The following CCDC33 variants were observed in gnomAD, a reference collection of about 807,000 sequenced individuals.
CCDC33 encodes coiled-coil domain-containing protein 33.
CCDC33 carries 94 observed loss-of-function variants against 91.9 expected under a neutral mutation model. The ratio of observed to expected loss-of-function variants is 1.02; its 90% CI spans 0.87 to 1.21. The LOEUF (loss-of-function observed/expected upper bound fraction) is 1.21. Ranked by LOEUF, CCDC33 falls within the 50% of genes most tolerant of loss-of-function variation. The pLI is 0.00. For synonymous variants in CCDC33, 396 were observed against 374.5 expected (o/e 1.06, Z -0.66); for missense variants, 940 against 935.5 (o/e 1.00, Z -0.06).
At chr15:74,227,684 C>CT (rs2074846476) in intron 2 of CCDC33, among the ~76,000 whole-genome samples, 1 of 152,180 alleles carries the variant, frequency 6.6e-6, no homozygotes, top group Admixed American at 6.5e-5. Context: ...TCCACCCTGT[C>CT]TGAGAAGTGA....
chr15:74,211,583 T>C (rs970849397), intron 2 of CCDC33, among the ~76,000 whole-genome samples: 2 of 152,050 alleles, frequency 1.3e-5, no homozygotes, highest in Non-Finnish European at 2.9e-5. Context: ...TTTGTATTTT[T>C]AGTAGAGATG....
chr15:74,259,602 G>A (rs902965008), intron 2 of CCDC33, among the ~76,000 whole-genome samples: 4 of 152,114 alleles, frequency 2.6e-5, no homozygotes, highest in South Asian at 4.2e-4. Context: ...TATTAGATGG[G>A]GCAGGGAGGT....
At chr15:74,255,285 A>C (rs925320694) in intron 2 of CCDC33, among the ~76,000 whole-genome samples, 2 of 152,180 alleles carry the variant, frequency 1.3e-5, no homozygotes, top group African/African-American at 4.8e-5. Context: ...AGAGATGCTT[A>C]GGGGATGTGC....
intron 10 of CCDC33, among the ~76,000 whole-genome samples, chr15:74,291,948 A>G (rs555295009): frequency 9.2e-5 from 14 of 152,346 alleles, no homozygotes; most frequent in African/African-American, 3.4e-4. Context: ...CTGCAACAAC[A>G]CAGGGAGCAG....
At chr15:74,294,543 C>T (rs1040494543) in intron 10 of CCDC33, among the ~76,000 whole-genome samples, 1 of 151,876 alleles carries the variant, frequency 6.6e-6, no homozygotes, top group Admixed American at 6.6e-5. Context: ...GTCAAGAGTT[C>T]GAGACCAGCC....
upstream of CCDC33, among the ~76,000 whole-genome samples, chr15:74,214,967 C>T (rs1370583293): frequency 6.6e-6 from 1 of 152,212 alleles, no homozygotes; most frequent in Non-Finnish European, 1.5e-5. Flanking sequence ...CCTCGCCCAG[C>T]GTGGGCACAC....
intron 11 of CCDC33, among the ~76,000 whole-genome samples, chr15:74,322,892 G>A (rs1039548321): frequency 1.3e-5 from 2 of 152,120 alleles, no homozygotes; most frequent in Non-Finnish European, 2.9e-5. Flanking sequence ...GTGTGTGCCT[G>A]GTCCAGCAAA....
chr15:74,304,962 T>C (rs1280857850), intron 11 of CCDC33, among the ~76,000 whole-genome samples: 1 of 145,148 alleles, frequency 6.9e-6, no homozygotes, highest in Non-Finnish European at 1.5e-5. Flanking sequence ...TTTTTTTTTT[T>C]AGACAGAGTC....
At chr15:74,289,517 C>G (rs1005747330) in intron 10 of CCDC33, among the ~76,000 whole-genome samples, 1 of 152,220 alleles carries the variant, frequency 6.6e-6, no homozygotes, top group African/African-American at 2.4e-5. Flanking sequence ...AGTTCGAGAC[C>G]AGCCCGGGCA....
chr15:74,246,735 G>A (rs912133949), intron 2 of CCDC33, among the ~76,000 whole-genome samples: 13 of 152,196 alleles, frequency 8.5e-5, no homozygotes, highest in Non-Finnish European at 1.6e-4. Context: ...CAGTAAAATG[G>A]TGCAGCCATT....
At chr15:74,256,405 G>C (rs1250287733) in intron 2 of CCDC33, among the ~76,000 whole-genome samples, 1 of 139,532 alleles carries the variant, frequency 7.2e-6, no homozygotes, top group African/African-American at 2.9e-5. Flanking sequence ...CTGCCCTAAG[G>C]CTGCGTACGG....
chr15:74,226,718 C>T (rs1168348947), intron 2 of CCDC33, among the ~76,000 whole-genome samples: 1 of 151,762 alleles, frequency 6.6e-6, no homozygotes, highest in Non-Finnish European at 1.5e-5. Context: ...GTCCCAGCTA[C>T]TCGGGAGGCT....
At chr15:74,304,172 A>AGG (rs1339192499) in intron 11 of CCDC33, 1 of 152,256 alleles carries the variant, frequency 6.6e-6, no homozygotes. Flanking sequence ...TGTTAAGTAG[A>AGG]GGGAACACTG....
At chr15:74,333,299 T>A in intron 16 of CCDC33, 1 of 1,594,804 alleles carries the variant, frequency 6.3e-7, no homozygotes, top group South Asian at 1.1e-5. Flanking sequence ...CCACTCAGAG[T>A]GCACAGAGAC....
chr15:74,233,731 T>A (rs2075057146), upstream of CCDC33, among the ~76,000 whole-genome samples: 1 of 152,252 alleles, frequency 6.6e-6, no homozygotes, highest in South Asian at 2.1e-4. Flanking sequence ...GAGCTTTACC[T>A]GCGTGGTCTC....
At chr15:74,331,796 G>A (rs550448705) in intron 15 of CCDC33, among the ~76,000 whole-genome samples, 7 of 152,294 alleles carry the variant, frequency 4.6e-5, no homozygotes, top group South Asian at 2.1e-4. Flanking sequence ...TTGGGAGGCC[G>A]AGGAGGGCAG....
At chr15:74,254,740 CCTT>C (rs1370417631) in intron 2 of CCDC33, among the ~76,000 whole-genome samples, 6 of 146,116 alleles carry the variant, frequency 4.1e-5, no homozygotes, top group Non-Finnish European at 8.9e-5. Flanking sequence ...TCTCTACCCT[CCTT>C]CTTTTTTTTT....
rs930392674 is a variant in CCDC33 at position 74,218,943 on chromosome 15, C to G, written c.675+82C>G. 7 of 1,176,118 alleles carry G rather than the reference C, an allele frequency of 6.0e-6. No individual in the cohort carries two copies. In the African/African-American group the frequency reaches 6.4e-5, roughly 11 times the overall value. 72.9% of individuals were successfully genotyped at this position (1,176,118 alleles called of 1,614,324 possible). A position where few individuals can be genotyped will look rare whatever the true frequency, so the allele number is the denominator to read the frequency against. ...CCTCCGTGATAAGCCAGGCTACCCCCTGTCCTGAGCTGAGCTGAGCAGAGC... is the reference window on the plus strand; with the variant it reads ...CCTCCGTGATAAGCCAGGCTACCCCGTGTCCTGAGCTGAGCTGAGCAGAGC... On this transcript the variant is annotated intron_variant, in intron 2 of 2. Coordinates refer to the CCDC33 transcript ENST00000635913. This position sits in a 1 kb window ranked among gnomAD's most constrained non-coding sequence, Gnocchi z 4.8.
chr15:74,247,563 C>T (rs1042872901), intron 2 of CCDC33, among the ~76,000 whole-genome samples: 6 of 152,048 alleles, frequency 3.9e-5, no homozygotes, highest in East Asian at 1.9e-4. Flanking sequence ...GCCTGGAGGA[C>T]GTTATGCTAG....
Sources: allele counts gnomAD v4.1 joint callset (sites outside exome capture counted in the v4.1 genomes callset), GRCh38; gene constraint gnomAD v4.1.1; non-coding constraint Gnocchi (gnomAD v3.1); transcripts MANE v1.5; gene names NCBI Gene and HGNC (gene_info 2026-07-23, HGNC 2026-07-21).